The following SENP2 variants were observed in gnomAD, a reference collection of about 807,000 sequenced individuals.
The protein encoded by SENP2 is SUMO specific peptidase 2.
A neutral mutation model predicts 86.3 loss-of-function variants in SENP2; 16 were observed. The observed-to-expected ratio is 0.19, with a 90% CI of 0.13 to 0.28. SENP2 has a LOEUF of 0.28. Ranked by LOEUF, SENP2 falls within the 10% of genes least tolerant of loss-of-function variation. The pLI, the probability that SENP2 is intolerant of heterozygous loss-of-function variation, is 1.00. For missense variants in SENP2, 552 were observed against 703.0 expected (o/e 0.79, Z 2.43); for synonymous variants, 222 against 238.7 (o/e 0.93, Z 0.64).
At chr3:185,587,569 A>ATTTTTTTTT (rs1491115475) in intron 1 of SENP2, among the ~76,000 whole-genome samples, 19 of 103,196 alleles carry the variant, frequency 1.8e-4, no homozygotes, top group African/African-American at 7.4e-4. Context: ...ATCAAGTGTT[A>ATTTTTTTTT]ATTTTTTTTT....
At chr3:185,594,961 T>C (rs1255609569) in intron 2 of SENP2, among the ~76,000 whole-genome samples, 1 of 152,108 alleles carries the variant, frequency 6.6e-6, no homozygotes, top group Non-Finnish European at 1.5e-5. Context: ...TGACCTCAAG[T>C]GATCCACCCA....
intron 1 of SENP2, among the ~76,000 whole-genome samples, chr3:185,587,337 T>C (rs2148977934): frequency 6.6e-6 from 1 of 152,138 alleles, no homozygotes; most frequent in African/African-American, 2.4e-5. Flanking sequence ...TTCACTATAT[T>C]GGCTAGGCTG....
chr3:185,625,070 T>C (rs1287956247), intron 15 of SENP2, among the ~76,000 whole-genome samples: 1 of 151,978 alleles, frequency 6.6e-6, no homozygotes, highest in Non-Finnish European at 1.5e-5. Flanking sequence ...GAGAGAAAAG[T>C]GTGAGGTATA....
chr3:185,613,473 T>A, intron 10 of SENP2, 65 bp downstream of exon 10: 1 of 994,528 alleles, frequency 1.0e-6, no homozygotes, highest in Admixed American at 2.0e-5. Flanking sequence ...TTGGTGCCCA[T>A]GAAAAGCAAG....
chr3:185,619,270 C>T (rs565384683), intron 12 of SENP2, 29 bp from the exon 13 acceptor site: 2 of 1,509,862 alleles, frequency 1.3e-6, no homozygotes, highest in Admixed American at 1.7e-5. Flanking sequence ...TTGCCATGTT[C>T]CAGCTTTTGC....
At chr3:185,600,931 T>G (rs893887123) in intron 5 of SENP2, 76 bp downstream of exon 5, 2 of 1,046,956 alleles carry the variant, frequency 1.9e-6, no homozygotes, top group Non-Finnish European at 3.0e-6. Context: ...AGTCTCACTT[T>G]TGTTGTATTA....
intron 12 of SENP2, among the ~76,000 whole-genome samples, chr3:185,618,235 T>C (rs1711697564): frequency 6.6e-6 from 1 of 152,186 alleles, no homozygotes; most frequent in Non-Finnish European, 1.5e-5. Context: ...TGAGCCACCG[T>C]GCCTGGCCTG....
In SENP2 at chr3:185,633,468, TAATA is replaced by T. The variant is rs2149000102; in HGVS notation, c.*3625_*3628del. ...GATAATTTTTTTCTTTTAATTTACC[TAATA>T]TATATAAGGAAGGGGTTTGGATATA... On this transcript the variant is annotated 3_prime_UTR_variant, in exon 17 of 17. Transcript: ENST00000296257. 1 of 152,342 alleles carries T rather than the reference TAATA, an allele frequency of 6.6e-6. No homozygotes were observed. Among genetic ancestry groups the T allele is most frequent in the African/African-American group, 2.4e-5 (1 of 41,578 alleles). 9.4% of individuals were successfully genotyped at this position (152,342 alleles called of 1,614,324 possible).
At chr3:185,603,660 T>C (rs1426355736) in intron 5 of SENP2, among the ~76,000 whole-genome samples, 1 of 152,162 alleles carries the variant, frequency 6.6e-6, no homozygotes. Flanking sequence ...AGTTCCTGAA[T>C]TTGGTGATTA....
Position 185,614,576 on chromosome 3 carries a change from C to G in SENP2, c.946C>G (p.Gln316Glu). 1 of 1,611,670 alleles carries G rather than the reference C, an allele frequency of 6.2e-7. No homozygotes were observed. Among genetic ancestry groups the G allele is most frequent in the East Asian group, 2.2e-5 (1 of 44,818 alleles). ...RFENESRRGY[Q>E]LEPDLSEEVS... Reference sequence around the variant, plus strand: ...ATTTTTTGATCAGAGGAGGGGATACCAACTGGAGCCTGACCTATCAGAAGA... The same window carrying G: ...ATTTTTTGATCAGAGGAGGGGATACGAACTGGAGCCTGACCTATCAGAAGA... Residue 316 changes from glutamine (Q) to glutamate (E), a missense_variant, in exon 11 of 17, where the codon CAA (glutamine) becomes GAA (glutamate). Gln to Glu is a conservative substitution (Grantham distance 29). Around this residue, in one of 2 missense-constraint regions of SENP2, gnomAD observed 383 missense variants for 427.3 expected, o/e 0.90. Coordinates refer to ENST00000296257, the MANE Select transcript of SENP2 (RefSeq NM_021627.3).
Position 185,586,352 on chromosome 3 carries a change from G to C in SENP2, c.-62G>C. 2 of 1,597,638 alleles carry C rather than the reference G, an allele frequency of 1.3e-6. No individual in the cohort carries two copies. Among genetic ancestry groups the C allele is most frequent in the South Asian group, 2.2e-5 (2 of 90,026 alleles). On this transcript the variant is annotated 5_prime_UTR_variant, in exon 1 of 17. Coordinates refer to ENST00000296257, the MANE Select transcript of SENP2 (RefSeq NM_021627.3). The surrounding 1 kb of genome is among the most constrained non-coding windows in gnomAD (Gnocchi z 4.3). ...TTAAGACGGCGAAGGCGGCAGCGGC[G>C]GCGACAGCTCTGGGGTTTGCGTCTC...
intron 1 of SENP2, 70 bp from the exon 2 acceptor site, chr3:185,590,044 T>TA: frequency 1.2e-6 from 1 of 853,496 alleles, no homozygotes; most frequent in Admixed American, 2.9e-5. Flanking sequence ...ATATGAATAG[T>TA]AAGTTTACTT....
At position 185,586,650 on chromosome 3, in the gene SENP2, GC is replaced by G; in HGVS notation, c.101+138del. 1 of 778,852 alleles carries G rather than the reference GC, an allele frequency of 1.3e-6. No homozygotes were observed. The highest frequency in any genetic ancestry group is 2.1e-6 in the Non-Finnish European group (1 of 480,266). The allele number at this position is 778,852 out of a possible 1,614,324, so 48.2% of individuals were successfully genotyped here. On this transcript the variant is annotated intron_variant, in intron 1 of 16. Coordinates refer to ENST00000296257, the MANE Select transcript of SENP2 (RefSeq NM_021627.3). The surrounding 1 kb of genome is among the most constrained non-coding windows in gnomAD (Gnocchi z 4.3). ...GGATCCTAGTGACGTAGTCGCTCCC[GC>G]CAGGCTGTAGGGAGGCAGCTCCTGA...
At position 185,598,474 on chromosome 3, in the gene SENP2, T is replaced by C. The variant is rs1406268392; in HGVS notation, c.220T>C (p.Phe74Leu). 5.0e-6 allele frequency: 8 copies of C among 1,614,122 alleles called. No individual in the cohort carries two copies. The highest frequency in any genetic ancestry group is 6.8e-6 in the Non-Finnish European group (8 of 1,179,980). The change falls in exon 3 of 17, where the codon TTC (phenylalanine) becomes CTC (leucine). Residue 74 changes from phenylalanine (F) to leucine (L), a missense_variant. Phe to Leu is a conservative substitution (Grantham distance 22). Transcript: ENST00000296257. ...YNAASLFGFP[F>L]QLTTKPMVTS... The stretch of plus-strand genomic sequence containing the variant: ...TGCTGCCAGCTTATTTGGATTCCCA[T>C]TCCAGCTGACCACAAAGCCCATGGT...
rs565553975 is a variant in SENP2, at chr3:185,586,346, A to G, written c.-68A>G. 17 of 1,593,544 alleles carry G rather than the reference A, an allele frequency of 1.1e-5. No individual in the cohort carries two copies. In the Admixed American group the frequency reaches 1.9e-4, roughly 18 times the overall value. On this transcript the variant is annotated 5_prime_UTR_variant, in exon 1 of 17. Coordinates refer to ENST00000296257, the MANE Select transcript of SENP2 (RefSeq NM_021627.3). This position sits in a 1 kb window ranked among gnomAD's most constrained non-coding sequence, Gnocchi z 4.3. ...TGGTGGTTAAGACGGCGAAGGCGGC[A>G]GCGGCGGCGACAGCTCTGGGGTTTG...
intron 16 of SENP2, 84 bp downstream of exon 16, chr3:185,626,477 CAAT>C: frequency 2.2e-6 from 2 of 909,560 alleles, no homozygotes; most frequent in Non-Finnish European, 3.5e-6. Context: ...ATTCAGCTCT[CAAT>C]AGTAGTAGCT....
chr3:185,599,812 T>TC (rs1722286320), intron 4 of SENP2, among the ~76,000 whole-genome samples: 1 of 148,454 alleles, frequency 6.7e-6, no homozygotes, highest in African/African-American at 2.5e-5. Context: ...TTTCTTTCTT[T>TC]TTTTTTTTTT....
At chr3:185,611,472 G>C in intron 7 of SENP2, 179 bp from the exon 8 acceptor site, 1 of 437,020 alleles carries the variant, frequency 2.3e-6, no homozygotes, top group South Asian at 4.1e-5. Flanking sequence ...AATATTATTA[G>C]AATCATGATT....
chr3:185,617,797 T>C (rs920095914), intron 12 of SENP2, among the ~76,000 whole-genome samples, 186 bp downstream of exon 12: 7 of 152,238 alleles, frequency 4.6e-5, no homozygotes, highest in African/African-American at 1.7e-4. Flanking sequence ...TAGCGATGTT[T>C]CCCTTTTCTG....
Sources: gnomAD v4.1 joint callset for allele counts (sites outside exome capture counted in the v4.1 genomes callset) on GRCh38, gnomAD v4.1.1 for gene constraint, gnomAD v4.1.1 regional missense constraint, Gnocchi (gnomAD v3.1) non-coding constraint, MANE v1.5 for transcripts, NCBI Gene and HGNC (gene_info 2026-07-23, HGNC 2026-07-21) for gene names.